Variants in PYHIN1 observed in about 807,000 individuals in gnomAD.
The protein encoded by PYHIN1 is pyrin and HIN domain-containing protein 1.
In PYHIN1, 32 loss-of-function variants were observed where a neutral mutation model predicts 43.7. The observed-to-expected ratio is 0.73, with a 90% confidence interval of 0.55 to 0.98. The LOEUF is 0.98. Among genes scored for constraint, PYHIN1 ranks in the 50% least tolerant of loss-of-function variants. The pLI is 0.00. For synonymous variants in PYHIN1, 205 were observed against 203.1 expected (o/e 1.01, Z -0.08); for missense variants, 588 against 589.5 (o/e 1.00, Z 0.03).
At chr1:158,935,232 A>G (rs527798140) in intron 1 of PYHIN1, among the ~76,000 whole-genome samples, 1 of 152,200 alleles carries the variant, frequency 6.6e-6, no homozygotes, top group Non-Finnish European at 1.5e-5. Flanking sequence ...CAAAGTCATG[A>G]AGCATGAAAA....
intron 7 of PYHIN1, 81 bp from the exon 8 acceptor site, chr1:158,973,566 T>A (rs1356421943): frequency 1.4e-5 from 20 of 1,452,328 alleles, no homozygotes; most frequent in Non-Finnish European, 1.8e-5. Flanking sequence ...ATCCAACTTA[T>A]ATAGGAAAAT....
chr1:158,954,693 C>A (rs1649806554), intron 7 of PYHIN1, among the ~76,000 whole-genome samples: 1 of 148,674 alleles, frequency 6.7e-6, no homozygotes, highest in Admixed American at 6.7e-5. Flanking sequence ...ACTGCATCAA[C>A]TAACGAGCAA....
intron 8 of PYHIN1, among the ~76,000 whole-genome samples, chr1:158,974,739 A>G (rs574431051): frequency 1.4e-4 from 22 of 152,108 alleles, no homozygotes; most frequent in African/African-American, 5.3e-4. Flanking sequence ...TAAGCCCGAG[A>G]ATCACATTTT....
At chr1:158,967,958 G>A (rs899133328) in intron 7 of PYHIN1, among the ~76,000 whole-genome samples, 1 of 151,660 alleles carries the variant, frequency 6.6e-6, no homozygotes, top group Non-Finnish European at 1.5e-5. Flanking sequence ...ATGAATTGAA[G>A]GCTTCAGTGT....
In PYHIN1 at chr1:158,937,037, T is replaced by C. The variant is rs747614465; in HGVS notation, c.127T>C (p.Tyr43His). The C allele has an allele frequency of 2.5e-6, 4 of 1,613,888 alleles. No individual in the cohort carries two copies. In the South Asian group the frequency reaches 3.3e-5, roughly 13 times the overall value. The stretch of plus-strand genomic sequence containing the variant: ...ACTTAATCCAAAAATGAAAGAAGAG[T>C]ATGACAAAATTCAGATTGCTGACTT... ...LKLNPKMKEEYDKIQIADLME... is the reference protein window; with the variant it reads ...LKLNPKMKEEHDKIQIADLME... The change falls in exon 2 of 9, where the codon TAT becomes CAT. Residue 43 changes from tyrosine (Y) to histidine (H), a missense_variant. Coordinates refer to ENST00000368140, the MANE Select transcript of PYHIN1 (RefSeq NM_152501.5).
Position 158,955,881 on chromosome 1 carries a change from G to C in PYHIN1, c.1359+10839G>C, listed in dbSNP as rs1184991489. On this transcript the variant is annotated intron_variant, in intron 7 of 8. Transcript: ENST00000368140. ...CAAGACTAATAAAGAAAAAAAGAGA[G>C]AAGAATCAAATAGACACAATAAAAA... Among the ~76,000 whole-genome samples, 54 of 75,760 alleles carry C rather than the reference G, an allele frequency of 7.1e-4. 1 individual carries two copies. The highest frequency in any genetic ancestry group is 2.2e-3 in the African/African-American group (53 of 24,508). 49.7% of individuals were successfully genotyped at this position (75,760 alleles called of 152,430 possible).
intron 8 of PYHIN1, among the ~76,000 whole-genome samples, chr1:158,974,510 G>A (rs764319050): frequency 3.3e-5 from 5 of 151,970 alleles, no homozygotes; most frequent in Non-Finnish European, 7.4e-5. Flanking sequence ...TTTTGGTCAT[G>A]ATATGACCAG....
At chr1:158,942,440 C>A in intron 5 of PYHIN1, 41 bp downstream of exon 5, 1 of 1,472,716 alleles carries the variant, frequency 6.8e-7, no homozygotes, top group South Asian at 1.4e-5. Context: ...TCTACAATAA[C>A]ACTTGAAATT....
Position 158,967,753 on chromosome 1 carries a change from C to G in PYHIN1, c.1360-5894C>G, listed in dbSNP as rs191878108. On this transcript the variant is annotated intron_variant, in intron 7 of 8. Coordinates refer to ENST00000368140, the MANE Select transcript of PYHIN1 (RefSeq NM_152501.5). The stretch of plus-strand genomic sequence containing the variant: ...ACTGGTACAAAAACAGACACATAGA[C>G]CAATGAAACAGAATAGACAGCCCAG... Among the ~76,000 whole-genome samples the G allele has an allele frequency of 3.5e-3, 538 of 152,080 alleles. 1 individual carries two copies. The highest frequency in any genetic ancestry group is 0.012 in the African/African-American group (503 of 41,526).
intron 5 of PYHIN1, 147 bp from the exon 6 acceptor site, chr1:158,943,643 G>T (rs1649053134): frequency 3.9e-6 from 2 of 507,968 alleles, no homozygotes; most frequent in African/African-American, 1.9e-5. Context: ...CTGTGAGATG[G>T]TCTAGACTAA....
At chr1:158,959,914 T>A (rs1054661337) in intron 7 of PYHIN1, among the ~76,000 whole-genome samples, 2 of 152,210 alleles carry the variant, frequency 1.3e-5, no homozygotes, top group African/African-American at 4.8e-5. Context: ...ATGGGGTACT[T>A]ACCTGCACTC....
At chr1:158,941,887 C>A (rs914428170) in intron 4 of PYHIN1, 90 bp from the exon 5 acceptor site, 3 of 1,249,526 alleles carry the variant, frequency 2.4e-6, no homozygotes, top group Non-Finnish European at 3.3e-6. Context: ...CTTTTGGGGG[C>A]CCAATGTTGT....
intron 7 of PYHIN1, 140 bp from the exon 8 acceptor site, chr1:158,973,505 TCA>T (rs144676333): frequency 0.05 from 23,955 of 480,402 alleles, 1,459 homozygotes; most frequent in African/African-American, 0.25. Context: ...AAAGGGATTT[TCA>T]CACACACACA....
chr1:158,960,817 A>G (rs1020687110), intron 7 of PYHIN1, among the ~76,000 whole-genome samples: 3 of 152,232 alleles, frequency 2.0e-5, no homozygotes, highest in Non-Finnish European at 4.4e-5. Flanking sequence ...ATACTAGTCA[A>G]CCAGAGTATA....
At position 158,938,548 on chromosome 1, in the gene PYHIN1, C is replaced by G; in HGVS notation, c.411+6C>G. 1.9e-6 allele frequency: 3 copies of G among 1,613,730 alleles called. No individual in the cohort carries two copies. The highest frequency in any genetic ancestry group is 2.5e-6 in the Non-Finnish European group (3 of 1,179,802). On this transcript the variant is annotated splice_donor_region_variant and intron_variant, in intron 3 of 8. Coordinates refer to ENST00000368140, the MANE Select transcript of PYHIN1 (RefSeq NM_152501.5). ...AGGAGACTCTTGGACCTCAGGTAAG[C>G]TTCAGGAAGAGGAGCAGGCTTCAAG...
At chr1:158,961,142 TATTATCACATCTCTTTTTC>T (rs1557839259) in intron 7 of PYHIN1, among the ~76,000 whole-genome samples, 1 of 152,220 alleles carries the variant, frequency 6.6e-6, no homozygotes, top group Non-Finnish European at 1.5e-5. Context: ...TGTATATGTA[TATTATCACATCTCTTTTTC>T]ATAACACAGT....
At chr1:158,984,241 G>A in the PYHIN1 span, among the ~76,000 whole-genome samples, 1 of 151,714 alleles carries the variant, frequency 6.6e-6, no homozygotes, top group African/African-American at 2.4e-5. Context: ...GTGATGTTAG[G>A]TATAAATTTA....
intron 7 of PYHIN1, among the ~76,000 whole-genome samples, chr1:158,969,257 G>T (rs77494847): frequency 0.01 from 1,587 of 151,994 alleles, 36 homozygotes; most frequent in African/African-American, 0.037. Flanking sequence ...GCAAGGCTTC[G>T]CATGAGAAAT....
chr1:158,981,122 G>T (rs939592651), downstream of PYHIN1, among the ~76,000 whole-genome samples: 5 of 152,120 alleles, frequency 3.3e-5, no homozygotes, highest in Admixed American at 6.5e-5. Flanking sequence ...GTACCATGTT[G>T]TATACGTACC....
Sources: allele counts gnomAD v4.1 joint callset (sites outside exome capture counted in the v4.1 genomes callset), GRCh38; gene constraint gnomAD v4.1.1; transcripts MANE v1.5; gene names NCBI Gene and HGNC (gene_info 2026-07-23, HGNC 2026-07-21).